The following SLC35F1 variants were observed in gnomAD, a reference collection of about 807,000 sequenced individuals.
The protein encoded by SLC35F1 is solute carrier family 35 member F1, also known as chromosome 6 open reading frame 169.
A neutral mutation model predicts 48.7 loss-of-function variants in SLC35F1; 14 were observed. The ratio of observed to expected loss-of-function variants is 0.29; its 90% CI spans 0.19 to 0.45. The LOEUF (loss-of-function observed/expected upper bound fraction) is 0.45. Among genes scored for constraint, SLC35F1 ranks in the 20% least tolerant of loss-of-function variants. SLC35F1 has a pLI of 1.00. For missense variants in SLC35F1, 404 were observed against 500.0 expected (o/e 0.81, Z 1.83); for synonymous variants, 190 against 202.2 (o/e 0.94, Z 0.51).
At chr6:118,030,994 C>T (rs976862888) in intron 1 of SLC35F1, among the ~76,000 whole-genome samples, 2 of 152,034 alleles carry the variant, frequency 1.3e-5, no homozygotes, top group Non-Finnish European at 2.9e-5. Flanking sequence ...TTTAGGTTCA[C>T]AGCAAGCCTG....
At chr6:118,062,047 A>AT (rs915166906) in intron 1 of SLC35F1, among the ~76,000 whole-genome samples, 4 of 146,504 alleles carry the variant, frequency 2.7e-5, no homozygotes, top group African/African-American at 7.6e-5. Flanking sequence ...GTGGATACCT[A>AT]TTTTTTCTTA....
chr6:118,276,294 C>T (rs1292116585), intron 5 of SLC35F1, among the ~76,000 whole-genome samples: 1 of 152,190 alleles, frequency 6.6e-6, no homozygotes, highest in African/African-American at 2.4e-5. Context: ...AATATTTTAG[C>T]TTCATGAAAG....
intron 2 of SLC35F1, among the ~76,000 whole-genome samples, chr6:118,226,001 C>G (rs2105021): frequency 0.93 from 142,024 of 152,138 alleles, 66,353 homozygotes; most frequent in East Asian, 0.98. Context: ...AATATATAAA[C>G]AGTTATATAT....
At chr6:118,102,842 G>A (rs1224573054) in intron 1 of SLC35F1, among the ~76,000 whole-genome samples, 1 of 152,212 alleles carries the variant, frequency 6.6e-6, no homozygotes, top group African/African-American at 2.4e-5. Context: ...TAAAGGAAGT[G>A]CCTATTTCAG....
At chr6:118,260,089 A>G (rs1488971881) in intron 3 of SLC35F1, among the ~76,000 whole-genome samples, 1 of 152,174 alleles carries the variant, frequency 6.6e-6, no homozygotes, top group Non-Finnish European at 1.5e-5. Context: ...TGAACCATGA[A>G]AACATCATGT....
At chr6:118,305,072 G>GTT (rs1776297161) in intron 7 of SLC35F1, among the ~76,000 whole-genome samples, 1 of 146,174 alleles carries the variant, frequency 6.8e-6, no homozygotes, top group Non-Finnish European at 1.5e-5. Context: ...GTGTGTGTGT[G>GTT]TGTGTGTGTG....
Position 118,271,141 on chromosome 6 carries a change from G to T in SLC35F1, c.637+3987G>T, listed in dbSNP as rs117632080. ...GACACTTTTTATTGAGTGCCCACAG[G>T]TGTCAGGTACTTTATTATATATTAT... is the stretch of plus-strand genomic sequence containing the variant. On this transcript the variant is annotated intron_variant, in intron 4 of 7. Transcript: ENST00000360388. Among the ~76,000 whole-genome samples, 26 of 152,174 alleles carry T rather than the reference G, an allele frequency of 1.7e-4. No individual in the cohort carries two copies. The East Asian group carries it at 5.0e-3, about 29-fold the overall frequency.
At chr6:118,220,338 G>T (rs1775131419) in intron 2 of SLC35F1, among the ~76,000 whole-genome samples, 1 of 152,058 alleles carries the variant, frequency 6.6e-6, no homozygotes, top group Non-Finnish European at 1.5e-5. Flanking sequence ...GGAATCGGGG[G>T]AAGTCTTCTA....
intron 1 of SLC35F1, among the ~76,000 whole-genome samples, chr6:117,927,254 G>T (rs573214364): frequency 1.3e-5 from 2 of 152,224 alleles, no homozygotes; most frequent in African/African-American, 4.8e-5. Flanking sequence ...GAAGGCAGAA[G>T]AAGAGAGTCT....
intron 1 of SLC35F1, among the ~76,000 whole-genome samples, chr6:118,064,380 T>G (rs1302585886): frequency 1.7e-4 from 26 of 152,218 alleles, no homozygotes; most frequent in Non-Finnish European, 5.9e-5. Flanking sequence ...CTTGAGGAAT[T>G]GGGAATTACT....
chr6:117,918,610 G>A (rs1775856615), intron 1 of SLC35F1, among the ~76,000 whole-genome samples: 4 of 152,236 alleles, frequency 2.6e-5, no homozygotes, highest in South Asian at 4.2e-4. Flanking sequence ...CAGTCATTTC[G>A]AAGAGTAAGA....
intron 1 of SLC35F1, among the ~76,000 whole-genome samples, chr6:118,061,677 AG>A (rs1423654481): frequency 4.6e-5 from 7 of 151,874 alleles, no homozygotes; most frequent in Non-Finnish European, 1.0e-4. Flanking sequence ...AGTTTAAACC[AG>A]CAGTCCCCAA....
At chr6:118,139,982 T>A (rs1773859359) in intron 1 of SLC35F1, among the ~76,000 whole-genome samples, 1 of 152,212 alleles carries the variant, frequency 6.6e-6, no homozygotes, top group Non-Finnish European at 1.5e-5. Context: ...TTTTACTTCA[T>A]TTTCCCTTTA....
intron 7 of SLC35F1, among the ~76,000 whole-genome samples, chr6:118,311,528 G>A (rs985015816): frequency 1.1e-4 from 16 of 152,210 alleles, no homozygotes; most frequent in Non-Finnish European, 1.8e-4. Flanking sequence ...GATGGCCCAC[G>A]CCTGTAATCC....
chr6:118,300,276 C>T lies in SLC35F1; in HGVS notation c.1003-13752C>T, dbSNP rs113487751. Among the ~76,000 whole-genome samples the T allele has an allele frequency of 1.6e-4, 24 of 152,022 alleles. No individual in the cohort carries two copies. In the East Asian group the frequency reaches 2.1e-3, roughly 13 times the overall value. ...GTGGGTATTATATGTAATCTAGAGC[C>T]GATTTAAAGTATACAGGAAGTCATA... On this transcript the variant is annotated intron_variant, in intron 7 of 7. Transcript: ENST00000360388.
chr6:118,035,432 C>A (rs2114896606), intron 1 of SLC35F1, among the ~76,000 whole-genome samples: 1 of 145,208 alleles, frequency 6.9e-6, no homozygotes, highest in South Asian at 2.4e-4. Context: ...CATGATGAAA[C>A]CCCATTTCTA....
chr6:117,998,670 T>C (rs1777038098), intron 1 of SLC35F1, among the ~76,000 whole-genome samples: 1 of 152,206 alleles, frequency 6.6e-6, no homozygotes, highest in South Asian at 2.1e-4. Context: ...TGCTCCTGAA[T>C]GACTACTGGA....
At chr6:118,311,516 G>A (rs569644919) in intron 7 of SLC35F1, among the ~76,000 whole-genome samples, 99 of 152,330 alleles carry the variant, frequency 6.5e-4, no homozygotes, top group African/African-American at 2.4e-3. Flanking sequence ...TAGGCCAGGC[G>A]CGATGGCCCA....
chr6:117,913,483 A>G lies in SLC35F1; in HGVS notation c.173+5584A>G, dbSNP rs145502518. On this transcript the variant is annotated intron_variant, in intron 1 of 7. Coordinates refer to ENST00000360388, the MANE Select transcript of SLC35F1 (RefSeq NM_001029858.4). ...ATCTGAATTGTTACACATAATGCCT[A>G]AATAAATGCTTCCCAGTGTCTAGAT... 5.3e-5 allele frequency among the ~76,000 whole-genome samples: 8 copies of G among 152,350 alleles called. No homozygotes were observed. The East Asian group carries it at 1.2e-3, about 22-fold the overall frequency.
Sources: allele counts gnomAD v4.1 joint callset (sites outside exome capture counted in the v4.1 genomes callset), GRCh38; gene constraint gnomAD v4.1.1; transcripts MANE v1.5; gene names NCBI Gene and HGNC (gene_info 2026-07-23, HGNC 2026-07-21).